KIAA1549: variants seen among roughly 807,000 people sequenced by gnomAD.
KIAA1549 encodes UPF0606 protein KIAA1549.
In KIAA1549, 70 loss-of-function variants were observed where a neutral mutation model predicts 156.4. The observed-to-expected ratio is 0.45, with a 90% CI of 0.37 to 0.55. The LOEUF (loss-of-function observed/expected upper bound fraction) is 0.55. Among genes scored for constraint, KIAA1549 ranks in the 20% least tolerant of loss-of-function variants. The pLI is 0.00. For missense variants in KIAA1549, 2,428 were observed against 2,540.9 expected, an observed-to-expected ratio of 0.96 and a Z score of 0.96; for synonymous variants, 1,103 against 1,066.4, an observed-to-expected ratio of 1.03 and a Z score of -0.67.
chr7:138,974,702 C>T (rs1335774401), intron 1 of KIAA1549, among the ~76,000 whole-genome samples: 1 of 151,648 alleles, frequency 6.6e-6, no homozygotes, highest in South Asian at 2.1e-4. Flanking sequence ...GGATTATAAG[C>T]GTGAGCCACC....
intron 15 of KIAA1549, among the ~76,000 whole-genome samples, chr7:138,866,248 G>GT (rs1810737329): frequency 6.6e-6 from 1 of 151,818 alleles, no homozygotes; most frequent in Non-Finnish European, 1.5e-5. Flanking sequence ...TAGAAATACC[G>GT]TAAGTTCCTA....
intron 14 of KIAA1549, 94 bp from the exon 15 acceptor site, chr7:138,868,222 G>A (rs1170614398): frequency 8.0e-7 from 1 of 1,247,092 alleles, no homozygotes; most frequent in Non-Finnish European, 1.1e-6. Flanking sequence ...TACCTAGGAT[G>A]TGCTACCCCT....
intron 16 of KIAA1549, among the ~76,000 whole-genome samples, chr7:138,857,372 T>C (rs1810424317): frequency 6.6e-6 from 1 of 152,228 alleles, no homozygotes. Context: ...TGTGCTGCTG[T>C]TTTCTTTGGG....
chr7:138,956,919 G>A (rs1216679397), intron 1 of KIAA1549, among the ~76,000 whole-genome samples: 1 of 128,986 alleles, frequency 7.8e-6, no homozygotes, highest in African/African-American at 4.0e-5. Context: ...GCCAGGTGGA[G>A]GGGCTAAGGC....
At chr7:138,914,474 G>A (rs142857742) in intron 2 of KIAA1549, among the ~76,000 whole-genome samples, 1 of 152,268 alleles carries the variant, frequency 6.6e-6, no homozygotes, top group African/African-American at 2.4e-5. Context: ...CTCCGCCATC[G>A]CAGACCCCCA....
chr7:138,838,346 A>G (rs1337606474), intron 19 of KIAA1549, among the ~76,000 whole-genome samples, 186 bp from the exon 20 acceptor site: 3 of 152,164 alleles, frequency 2.0e-5, no homozygotes, highest in Non-Finnish European at 4.4e-5. Flanking sequence ...GGAGAACAGA[A>G]GGGAGGGAGG....
At chr7:138,947,654 C>T (rs1329291229) in intron 1 of KIAA1549, among the ~76,000 whole-genome samples, 1 of 152,218 alleles carries the variant, frequency 6.6e-6, no homozygotes, top group Non-Finnish European at 1.5e-5. Flanking sequence ...CACTTGCTAA[C>T]ATCTGAAGGC....
intron 18 of KIAA1549, among the ~76,000 whole-genome samples, chr7:138,840,529 C>A (rs949740841): frequency 6.6e-6 from 1 of 151,980 alleles, no homozygotes; most frequent in African/African-American, 2.4e-5. Flanking sequence ...GCACCGTGGA[C>A]CAAGCAATAA....
intron 9 of KIAA1549, among the ~76,000 whole-genome samples, chr7:138,898,034 A>T (rs947322439): frequency 6.6e-6 from 1 of 151,614 alleles, no homozygotes; most frequent in Non-Finnish European, 1.5e-5. Flanking sequence ...GGCCGGGTGC[A>T]GTGGCTCACA....
At chr7:138,963,665 C>T (rs928555141) in intron 1 of KIAA1549, among the ~76,000 whole-genome samples, 2 of 152,126 alleles carry the variant, frequency 1.3e-5, no homozygotes, top group Non-Finnish European at 2.9e-5. Flanking sequence ...GTAGGACAGC[C>T]GGCTGTACCA....
chr7:138,956,051 G>A (rs994313366), intron 1 of KIAA1549, among the ~76,000 whole-genome samples: 1 of 152,128 alleles, frequency 6.6e-6, no homozygotes, highest in African/African-American at 2.4e-5. Flanking sequence ...GCACCACCAA[G>A]CTCAGCTAAT....
intron 3 of KIAA1549, 21 bp downstream of exon 3, chr7:138,912,351 T>A: frequency 6.3e-7 from 1 of 1,597,624 alleles, no homozygotes; most frequent in East Asian, 2.2e-5. Flanking sequence ...GACATCACAC[T>A]CCTGAGCCAC....
chr7:138,967,822 A>G (rs1814077071), intron 1 of KIAA1549, among the ~76,000 whole-genome samples: 1 of 152,168 alleles, frequency 6.6e-6, no homozygotes, highest in Admixed American at 6.5e-5. Flanking sequence ...CCACTATCCT[A>G]GCCACCAGTG....
In KIAA1549 at chr7:138,917,701, G is replaced by A. The variant is rs563536889; in HGVS notation, c.1925C>T (p.Ser642Leu). The A allele has an allele frequency of 3.0e-4, 479 of 1,603,834 alleles. 6 individuals are homozygous for A. In the South Asian group the frequency reaches 4.9e-3, roughly 17 times the overall value. ...LELSGSISSP[S>L]EAPASLSLMP... The stretch of plus-strand genomic sequence containing the variant: ...CAGAGACAGAGACGCAGGTGCTTCC[G>A]AAGGCGAAGAGATGGAGCCGCTGAG... The change falls in exon 2 of 20, where the codon TCG becomes TTG. Residue 642 changes from serine to leucine, a missense_variant. Ser to Leu is a moderately radical substitution (Grantham distance 145). Around this residue, in one of 5 missense-constraint regions of KIAA1549, gnomAD observed 893 missense variants for 847.9 expected, o/e 1.05. Transcript: ENST00000422774.
At chr7:138,921,517 C>T (rs753727566) in intron 1 of KIAA1549, among the ~76,000 whole-genome samples, 3 of 151,714 alleles carry the variant, frequency 2.0e-5, no homozygotes, top group African/African-American at 4.8e-5. Flanking sequence ...AGCTGAGATG[C>T]GGTCATACTG....
At chr7:138,904,820 A>C (rs1811961586) in intron 7 of KIAA1549, among the ~76,000 whole-genome samples, 1 of 152,178 alleles carries the variant, frequency 6.6e-6, no homozygotes, top group Non-Finnish European at 1.5e-5. Flanking sequence ...ATTTTAAAGA[A>C]AGTCAGTCCT....
chr7:138,955,831 CT>C (rs1301914843), intron 1 of KIAA1549, among the ~76,000 whole-genome samples: 1 of 152,098 alleles, frequency 6.6e-6, no homozygotes, highest in Non-Finnish European at 1.5e-5. Flanking sequence ...CAGAGACAAA[CT>C]TTTTTTATCC....
chr7:138,893,138 T>C (rs1811588415), intron 10 of KIAA1549, among the ~76,000 whole-genome samples: 1 of 152,226 alleles, frequency 6.6e-6, no homozygotes, highest in Non-Finnish European at 1.5e-5. Flanking sequence ...GACCCTCGAA[T>C]ACTATGGAAA....
intron 12 of KIAA1549, 126 bp from the exon 13 acceptor site, chr7:138,871,488 G>T: frequency 1.4e-6 from 1 of 710,540 alleles, no homozygotes; most frequent in Non-Finnish European, 2.2e-6. Flanking sequence ...CATCCCCACT[G>T]CAGTAGCAGA....
Sources: gnomAD v4.1 joint callset for allele counts (sites outside exome capture counted in the v4.1 genomes callset) on GRCh38, gnomAD v4.1.1 for gene constraint, gnomAD v4.1.1 regional missense constraint, MANE v1.5 for transcripts, NCBI Gene and HGNC (gene_info 2026-07-23, HGNC 2026-07-21) for gene names.